NALF1: variants seen among roughly 807,000 people sequenced by gnomAD.
The protein encoded by NALF1 is NALCN channel auxiliary factor 1, also known as family with sequence similarity 155 member A.
In NALF1, 3 loss-of-function variants were observed where a neutral mutation model predicts 48.4. That is an observed-to-expected ratio of 0.06 (90% CI 0.03 to 0.16). The LOEUF (loss-of-function observed/expected upper bound fraction) is 0.16, where lower values mean the gene tolerates loss of function less well. Among genes scored for constraint, NALF1 ranks in the 10% least tolerant of loss-of-function variants. The probability of loss-of-function intolerance (pLI) is 1.00; values close to 1 mark genes in which losing one functional copy is unlikely to be tolerated. For synonymous variants in NALF1, 262 were observed against 245.7 expected, an observed-to-expected ratio of 1.07 and a Z score of -0.62; for missense variants, 526 against 571.5, an observed-to-expected ratio of 0.92 and a Z score of 0.81.
intron 1 of NALF1, among the ~76,000 whole-genome samples, chr13:107,656,747 T>C (rs186509199): frequency 1.8e-4 from 27 of 152,234 alleles, no homozygotes; most frequent in African/African-American, 5.5e-4. Flanking sequence ...TGCAAAAATA[T>C]AGGACCAGCC....
At chr13:107,778,879 A>G (rs1381172773) in intron 1 of NALF1, among the ~76,000 whole-genome samples, 1 of 152,174 alleles carries the variant, frequency 6.6e-6, no homozygotes, top group African/African-American at 2.4e-5. Flanking sequence ...CTATCCAACT[A>G]TCACCTCCAA....
At chr13:107,468,216 G>GT (rs1885040727) in intron 1 of NALF1, among the ~76,000 whole-genome samples, 1 of 152,120 alleles carries the variant, frequency 6.6e-6, no homozygotes, top group Non-Finnish European at 1.5e-5. Flanking sequence ...AATTGTAGCG[G>GT]TTATTGCTTT....
At chr13:107,502,205 T>G (rs1043236203) in intron 1 of NALF1, among the ~76,000 whole-genome samples, 2 of 152,122 alleles carry the variant, frequency 1.3e-5, no homozygotes, top group Non-Finnish European at 2.9e-5. Flanking sequence ...AGTCTTCCTA[T>G]TAGTAGTGTA....
intron 1 of NALF1, among the ~76,000 whole-genome samples, chr13:107,795,343 T>C (rs999401701): frequency 2.0e-5 from 3 of 152,134 alleles, no homozygotes; most frequent in Non-Finnish European, 1.5e-5. Context: ...GGAAAAATTT[T>C]ACAAAGCCTC....
At chr13:107,184,118 C>A (rs771854377) in intron 2 of NALF1, among the ~76,000 whole-genome samples, 1 of 150,966 alleles carries the variant, frequency 6.6e-6, no homozygotes, top group East Asian at 1.9e-4. Context: ...CACCATGGCA[C>A]GTATATATCT....
chr13:107,329,586 G>T (rs1438922704), intron 1 of NALF1, among the ~76,000 whole-genome samples: 1 of 151,410 alleles, frequency 6.6e-6, no homozygotes, highest in Non-Finnish European at 1.5e-5. Flanking sequence ...GTGCCATGTT[G>T]GTGTGCTGCA....
chr13:107,214,267 A>G (rs1408605777), intron 1 of NALF1, among the ~76,000 whole-genome samples: 1 of 152,230 alleles, frequency 6.6e-6, no homozygotes, highest in Non-Finnish European at 1.5e-5. Context: ...CAAATTGACT[A>G]AATCTTAAAA....
intron 1 of NALF1, among the ~76,000 whole-genome samples, chr13:107,643,542 T>TCGG: frequency 7.8e-6 from 1 of 128,190 alleles, no homozygotes; most frequent in East Asian, 2.6e-4. Context: ...GTGTATTTGG[T>TCGG]GGGGGGGGGG....
chr13:107,632,439 G>A (rs1594172425), intron 1 of NALF1, among the ~76,000 whole-genome samples: 1 of 152,008 alleles, frequency 6.6e-6, no homozygotes, highest in Non-Finnish European at 1.5e-5. Context: ...ACTCTCTTCT[G>A]TCTTCCCTTC....
At chr13:107,306,268 G>A (rs1048251884) in intron 1 of NALF1, among the ~76,000 whole-genome samples, 1 of 152,164 alleles carries the variant, frequency 6.6e-6, no homozygotes, top group East Asian at 1.9e-4. Context: ...CATGATCGCT[G>A]TTGGACCGTG....
At chr13:107,510,437 A>G (rs1875849194) in intron 1 of NALF1, among the ~76,000 whole-genome samples, 2 of 152,206 alleles carry the variant, frequency 1.3e-5, no homozygotes. Context: ...CAGGGCCAGA[A>G]TCACAACAGA....
rs9520435 is a variant in NALF1, at chr13:107,416,257, T to G, written c.916-205502A>C. Among the ~76,000 whole-genome samples, 35 of 151,404 alleles carry G rather than the reference T, an allele frequency of 2.3e-4. 1 individual carries two copies. The South Asian group carries it at 7.3e-3, about 32-fold the overall frequency. ...GTCTCGATCTCCTGACCTCGTGATCTGCCTGCCTTGGCCTCCCAAAGTGTT... is the reference window on the plus strand; with the variant it reads ...GTCTCGATCTCCTGACCTCGTGATCGGCCTGCCTTGGCCTCCCAAAGTGTT... On this transcript the variant is annotated intron_variant, in intron 1 of 2. Coordinates refer to ENST00000375915, the MANE Select transcript of NALF1 (RefSeq NM_001080396.3).
At chr13:107,828,438 T>G (rs1314261000) in intron 1 of NALF1, among the ~76,000 whole-genome samples, 1 of 151,584 alleles carries the variant, frequency 6.6e-6, no homozygotes, top group Admixed American at 6.6e-5. Flanking sequence ...TTTAATTTGA[T>G]TAAATCAAAT....
At chr13:107,708,162 T>C (rs1875459889) in intron 1 of NALF1, among the ~76,000 whole-genome samples, 1 of 152,116 alleles carries the variant, frequency 6.6e-6, no homozygotes, top group Admixed American at 6.5e-5. Flanking sequence ...TAGGGAAGGG[T>C]CAACCCTTGC....
chr13:107,238,881 A>T (rs1026755364), intron 1 of NALF1, among the ~76,000 whole-genome samples: 5 of 152,172 alleles, frequency 3.3e-5, no homozygotes, highest in Non-Finnish European at 7.3e-5. Flanking sequence ...CAGGATTTTT[A>T]AAAAGGGGGA....
At chr13:107,534,320 T>A (rs1317807409) in intron 1 of NALF1, among the ~76,000 whole-genome samples, 1 of 152,136 alleles carries the variant, frequency 6.6e-6, no homozygotes. Context: ...CTAAAATATG[T>A]TTATATTTAT....
At chr13:107,307,228 T>G (rs946737853) in intron 1 of NALF1, among the ~76,000 whole-genome samples, 1 of 152,100 alleles carries the variant, frequency 6.6e-6, no homozygotes, top group Non-Finnish European at 1.5e-5. Flanking sequence ...TTACTGCCAT[T>G]AGACTCACCT....
At chr13:107,391,097 T>C (rs909938637) in intron 1 of NALF1, among the ~76,000 whole-genome samples, 1 of 152,142 alleles carries the variant, frequency 6.6e-6, no homozygotes, top group African/African-American at 2.4e-5. Flanking sequence ...GGGATGTCAT[T>C]GGAAAGCAAT....
intron 1 of NALF1, among the ~76,000 whole-genome samples, chr13:107,855,277 C>CT (rs1176569996): frequency 6.6e-6 from 1 of 152,250 alleles, no homozygotes; most frequent in Non-Finnish European, 1.5e-5. Flanking sequence ...GATTGTCCAA[C>CT]CCCCGGCCCG....
Sources: gnomAD v4.1 joint callset for allele counts (sites outside exome capture counted in the v4.1 genomes callset) on GRCh38, gnomAD v4.1.1 for gene constraint, MANE v1.5 for transcripts, NCBI Gene and HGNC (gene_info 2026-07-23, HGNC 2026-07-21) for gene names.